RTCA: variants seen among roughly 807,000 people sequenced by gnomAD.
RTCA encodes the protein RNA 3'-terminal phosphate cyclase.
Under a neutral mutation model 46.1 loss-of-function variants are expected in RTCA, and 37 were observed. The ratio of observed to expected loss-of-function variants is 0.80; its 90% confidence interval spans 0.62 to 1.06. The LOEUF is 1.06. Ranked by LOEUF, RTCA falls within the 50% of genes least tolerant of loss-of-function variation. The pLI, the probability that RTCA is intolerant of heterozygous loss-of-function variation, is 0.00. For missense variants in RTCA, 435 were observed against 455.5 expected (o/e 0.95, Z 0.41); for synonymous variants, 164 against 158.3 (o/e 1.04, Z -0.27).
chr1:100,290,239 C>A (rs1017863558), intron 10 of RTCA, among the ~76,000 whole-genome samples: 1 of 152,070 alleles, frequency 6.6e-6, no homozygotes, highest in Non-Finnish European at 1.5e-5. Context: ...ATCCTTTTGC[C>A]ACAAACTTAA....
At position 100,266,361 on chromosome 1, in the gene RTCA, C is replaced by T; in HGVS notation, c.-15C>T. The T allele has an allele frequency of 1.9e-6, 3 of 1,611,806 alleles. No homozygotes were observed. Among genetic ancestry groups the T allele is most frequent in the Non-Finnish European group, 2.5e-6 (3 of 1,179,404 alleles). On this transcript the variant is annotated 5_prime_UTR_variant, in exon 1 of 11. Transcript: ENST00000370128. ...GAGGCTTTGTCGCTGCGGGCTGGGC[C>T]CCAGGGTGTCCCCCATGGCGGGGCC...
At chr1:100,277,075 A>G (rs1355106019) in intron 7 of RTCA, among the ~76,000 whole-genome samples, 183 bp from the exon 8 acceptor site, 1 of 152,332 alleles carries the variant, frequency 6.6e-6, no homozygotes. Flanking sequence ...GGTAAAGGAT[A>G]CTACTGGTCT....
chr1:100,287,941 A>G (rs1667122785), intron 10 of RTCA, among the ~76,000 whole-genome samples: 1 of 151,968 alleles, frequency 6.6e-6, no homozygotes, highest in Non-Finnish European at 1.5e-5. Flanking sequence ...TTACAGGCAC[A>G]TGCCACCACA....
At chr1:100,290,324 C>T (rs1667277043) in intron 10 of RTCA, among the ~76,000 whole-genome samples, 1 of 151,918 alleles carries the variant, frequency 6.6e-6, no homozygotes. Context: ...GTTGCCCAGG[C>T]CAGCCTCCTG....
chr1:100,278,186 T>C (rs1666507146), intron 8 of RTCA, among the ~76,000 whole-genome samples: 1 of 152,180 alleles, frequency 6.6e-6, no homozygotes, highest in Admixed American at 6.6e-5. Flanking sequence ...AAGAAAATAT[T>C]TTGAGGCCAT....
chr1:100,286,049 G>A (rs1446926618), intron 9 of RTCA, among the ~76,000 whole-genome samples: 1 of 152,078 alleles, frequency 6.6e-6, no homozygotes, highest in Non-Finnish European at 1.5e-5. Flanking sequence ...TCTTTATGCT[G>A]ACAACTCCCA....
chr1:100,270,930 A>C (rs1570874687), intron 4 of RTCA, among the ~76,000 whole-genome samples: 1 of 151,592 alleles, frequency 6.6e-6, no homozygotes, highest in African/African-American at 2.4e-5. Flanking sequence ...CCTCCTGAGT[A>C]GCTGGGACTA....
chr1:100,268,403 G>GTT (rs5776503), intron 3 of RTCA, 108 bp downstream of exon 3: 17,793 of 705,344 alleles, frequency 0.025, no homozygotes, highest in East Asian at 0.06. Context: ...CTACTTTTAT[G>GTT]TTTTTTTTTT....
intron 8 of RTCA, 80 bp downstream of exon 8, chr1:100,277,396 A>C: frequency 8.2e-7 from 1 of 1,219,460 alleles, no homozygotes; most frequent in Non-Finnish European, 1.2e-6. Context: ...ATGTTATAGA[A>C]TGATGGATGA....
In RTCA at chr1:100,274,278, G is replaced by A. The variant is rs138877988; in HGVS notation, c.474-546G>A. On this transcript the variant is annotated intron_variant, in intron 5 of 10. Transcript: ENST00000370128. Reference sequence around the variant, plus strand: ...AGGGGAGGAGTACTGTCTTCTCACCGTCTGCTGTAAAATAAATGACACCAA... The same window carrying A: ...AGGGGAGGAGTACTGTCTTCTCACCATCTGCTGTAAAATAAATGACACCAA... Among the ~76,000 whole-genome samples the A allele has an allele frequency of 5.6e-3, 854 of 152,194 alleles. 8 individuals are homozygous for A. Among genetic ancestry groups the A allele is most frequent in the African/African-American group, 0.019 (784 of 41,528 alleles).
chr1:100,271,539 A>T (rs981625731), intron 4 of RTCA, among the ~76,000 whole-genome samples: 29 of 152,160 alleles, frequency 1.9e-4, no homozygotes, highest in African/African-American at 7.0e-4. Context: ...AAATACAAGG[A>T]TTATGATTTG....
At chr1:100,273,161 T>G (rs970211588) in intron 4 of RTCA, among the ~76,000 whole-genome samples, 1 of 152,186 alleles carries the variant, frequency 6.6e-6, no homozygotes, top group Non-Finnish European at 1.5e-5. Context: ...AGTTCCAATT[T>G]TTTTCGTTAG....
At chr1:100,273,286 C>T in intron 4 of RTCA, 108 bp from the exon 5 acceptor site, 1 of 636,260 alleles carries the variant, frequency 1.6e-6, no homozygotes, top group Non-Finnish European at 2.7e-6. Flanking sequence ...ACACTGTTTA[C>T]CTATAGCACC....
chr1:100,277,113 C>T (rs939201302), intron 7 of RTCA, 145 bp from the exon 8 acceptor site: 15 of 681,208 alleles, frequency 2.2e-5, no homozygotes, highest in African/African-American at 7.1e-5. Flanking sequence ...TTAATCATAC[C>T]ACTCTATATG....
chr1:100,280,799 C>A (rs901271970), intron 8 of RTCA, among the ~76,000 whole-genome samples: 6 of 152,124 alleles, frequency 3.9e-5, no homozygotes, highest in Non-Finnish European at 2.9e-5. Flanking sequence ...CCCAAGTGTT[C>A]AAGACCAATC....
At position 100,266,373 on chromosome 1, in the gene RTCA, C is replaced by T. The variant is rs543536386; in HGVS notation, c.-3C>T. On this transcript the variant is annotated 5_prime_UTR_variant, in exon 1 of 11. Coordinates refer to ENST00000370128, the MANE Select transcript of RTCA (RefSeq NM_003729.4). Reference sequence around the variant, plus strand: ...CTGCGGGCTGGGCCCCAGGGTGTCCCCCATGGCGGGGCCGCGGGTGGAGGT... The same window carrying T: ...CTGCGGGCTGGGCCCCAGGGTGTCCTCCATGGCGGGGCCGCGGGTGGAGGT... 3 of 1,611,778 alleles carry T rather than the reference C, an allele frequency of 1.9e-6. No homozygotes were observed.
In RTCA at chr1:100,279,176, A is replaced by T. The variant is rs1299163782; in HGVS notation, c.799+1860A>T. ...ATAAGTACTTAGCAGGCATTGGGAG[A>T]AGTGTGAGTTTGTTTGTATTACTGG... On this transcript the variant is annotated intron_variant, in intron 8 of 10. Coordinates refer to ENST00000370128, the MANE Select transcript of RTCA (RefSeq NM_003729.4). Among the ~76,000 whole-genome samples the T allele has an allele frequency of 3.3e-5, 5 of 152,112 alleles. No homozygotes were observed. The East Asian group carries it at 9.6e-4, about 29-fold the overall frequency.
intron 7 of RTCA, 53 bp from the exon 8 acceptor site, chr1:100,277,205 A>C: frequency 1.3e-6 from 2 of 1,513,604 alleles, no homozygotes. Flanking sequence ...TTGTATTTGC[A>C]TAAATTTGGA....
intron 5 of RTCA, among the ~76,000 whole-genome samples, chr1:100,274,170 T>C (rs1243196803): frequency 6.6e-6 from 1 of 152,194 alleles, no homozygotes; most frequent in African/African-American, 2.4e-5. Flanking sequence ...TTTGCACCTA[T>C]GTTGTAGCCT....
Sources: gnomAD v4.1 joint callset for allele counts (sites outside exome capture counted in the v4.1 genomes callset) on GRCh38, gnomAD v4.1.1 for gene constraint, MANE v1.5 for transcripts, NCBI Gene and HGNC (gene_info 2026-07-23, HGNC 2026-07-21) for gene names.